GRIK4: variants seen among roughly 807,000 people sequenced by gnomAD.
GRIK4 encodes glutamate ionotropic receptor kainate type subunit 4, also known as glutamate receptor ionotropic, kainate 4.
GRIK4 carries 40 observed loss-of-function variants against 104.9 expected under a neutral mutation model. The observed-to-expected ratio is 0.38, with a 90% CI of 0.30 to 0.50. The LOEUF (loss-of-function observed/expected upper bound fraction) is 0.50. Ranked by LOEUF, GRIK4 falls within the 20% of genes least tolerant of loss-of-function variation. GRIK4 has a pLI of 0.93. For synonymous variants in GRIK4, 485 were observed against 524.9 expected (o/e 0.92, Z 1.04); for missense variants, 1,047 against 1,308.1 (o/e 0.80, Z 3.08).
intron 11 of GRIK4, among the ~76,000 whole-genome samples, chr11:120,881,506 T>C (rs1473492895): frequency 1.3e-5 from 2 of 152,190 alleles, no homozygotes; most frequent in Non-Finnish European, 2.9e-5. Flanking sequence ...CCAAAGCTTA[T>C]ATCAACCCAG....
At chr11:120,678,195 T>C (rs538852884) in intron 3 of GRIK4, among the ~76,000 whole-genome samples, 1 of 152,292 alleles carries the variant, frequency 6.6e-6, no homozygotes, top group African/African-American at 2.4e-5. Context: ...ACAACCTCCG[T>C]TTCTTTAGGG....
intron 1 of GRIK4, among the ~76,000 whole-genome samples, chr11:120,529,325 A>G (rs1802105758): frequency 6.6e-6 from 1 of 152,174 alleles, no homozygotes; most frequent in African/African-American, 2.4e-5. Context: ...TATTTGTTGA[A>G]AGAAGCAAAG....
chr11:120,904,006 C>T (rs2134503220), intron 12 of GRIK4, among the ~76,000 whole-genome samples: 1 of 152,314 alleles, frequency 6.6e-6, no homozygotes, highest in Non-Finnish European at 1.5e-5. Flanking sequence ...TGATTTTCAG[C>T]CTTCCTGGCT....
intron 1 of GRIK4, among the ~76,000 whole-genome samples, chr11:120,634,728 G>C (rs1267785603): frequency 6.6e-6 from 1 of 152,156 alleles, no homozygotes; most frequent in African/African-American, 2.4e-5. Flanking sequence ...TCCGGAGACA[G>C]TGGGAGGTTC....
chr11:120,915,760 C>T (rs150533673), intron 13 of GRIK4, among the ~76,000 whole-genome samples: 2 of 152,246 alleles, frequency 1.3e-5, no homozygotes, highest in Non-Finnish European at 2.9e-5. Flanking sequence ...TGCTATAACT[C>T]CTGACAAGGC....
At chr11:120,552,388 T>C (rs758658348) in intron 1 of GRIK4, among the ~76,000 whole-genome samples, 12 of 151,976 alleles carry the variant, frequency 7.9e-5, no homozygotes, top group Admixed American at 7.2e-4. Context: ...GGAAAAACAA[T>C]TTGAGGGCTT....
At chr11:120,806,566 A>G (rs1952716614) in intron 4 of GRIK4, among the ~76,000 whole-genome samples, 1 of 152,188 alleles carries the variant, frequency 6.6e-6, no homozygotes, top group Non-Finnish European at 1.5e-5. Context: ...GGGGGATGAA[A>G]GAGACCCTAG....
chr11:120,785,722 T>C (rs1952254780), intron 3 of GRIK4, among the ~76,000 whole-genome samples: 1 of 152,150 alleles, frequency 6.6e-6, no homozygotes, highest in African/African-American at 2.4e-5. Flanking sequence ...ACTTGGGGTG[T>C]TTCCGGTTTA....
intron 13 of GRIK4, among the ~76,000 whole-genome samples, chr11:120,935,222 G>C (rs1470176485): frequency 6.6e-6 from 1 of 152,154 alleles, no homozygotes; most frequent in African/African-American, 2.4e-5. Context: ...CCAGACGGTG[G>C]AATAATTTGC....
chr11:120,777,708 G>A (rs903830580), intron 3 of GRIK4, among the ~76,000 whole-genome samples: 4 of 152,186 alleles, frequency 2.6e-5, no homozygotes, highest in African/African-American at 9.6e-5. Flanking sequence ...AGGCCAAGGC[G>A]GGTGGATCAC....
intron 1 of GRIK4, among the ~76,000 whole-genome samples, chr11:120,529,208 A>G (rs1172687083): frequency 6.6e-6 from 1 of 152,048 alleles, no homozygotes; most frequent in Admixed American, 6.5e-5. Flanking sequence ...GTAACCTACA[A>G]CTTACATTGT....
intron 3 of GRIK4, among the ~76,000 whole-genome samples, chr11:120,773,333 T>A (rs1004140655): frequency 3.3e-5 from 5 of 152,238 alleles, no homozygotes; most frequent in African/African-American, 9.6e-5. Context: ...AGATGTCTAT[T>A]TCCGACAGTG....
intron 9 of GRIK4, chr11:120,871,624 G>C (rs958824504): frequency 2.2e-6 from 1 of 456,326 alleles, no homozygotes; most frequent in African/African-American, 2.0e-5. Context: ...CAGGAAGGGA[G>C]TTGGAGCAGG....
chr11:120,515,304 G>T (rs1345489937), intron 1 of GRIK4, among the ~76,000 whole-genome samples: 1 of 152,170 alleles, frequency 6.6e-6, no homozygotes, highest in Non-Finnish European at 1.5e-5. Context: ...CTCCCTGCAT[G>T]ACCTCGGACA....
chr11:120,826,489 T>C (rs1441551819), intron 6 of GRIK4, among the ~76,000 whole-genome samples: 1 of 152,168 alleles, frequency 6.6e-6, no homozygotes, highest in African/African-American at 2.4e-5. Context: ...TGAAATCAGT[T>C]GTGTATGTGA....
chr11:120,871,228 T>C (rs4936562), intron 9 of GRIK4: 67,658 of 169,656 alleles, frequency 0.4, 13,664 homozygotes, highest in East Asian at 0.45. Context: ...GCTAACTTGC[T>C]GTCAATTTGT....
At chr11:120,735,555 T>C (rs930803503) in intron 3 of GRIK4, among the ~76,000 whole-genome samples, 1 of 151,842 alleles carries the variant, frequency 6.6e-6, no homozygotes, top group African/African-American at 2.4e-5. Context: ...ACCACCTATG[T>C]TTGATCAAGG....
At chr11:120,982,962 TC>T (rs1314568105) in intron 20 of GRIK4, among the ~76,000 whole-genome samples, 1 of 152,116 alleles carries the variant, frequency 6.6e-6, no homozygotes, top group East Asian at 1.9e-4. Flanking sequence ...TTGTAGGACT[TC>T]CACGCCGTTG....
intron 16 of GRIK4, among the ~76,000 whole-genome samples, chr11:120,957,750 T>A (rs1271286719): frequency 6.6e-6 from 1 of 152,068 alleles, no homozygotes; most frequent in Non-Finnish European, 1.5e-5. Flanking sequence ...TCTCAGCCTG[T>A]TTAGCCAAAG....
Sources: allele counts gnomAD v4.1 joint callset (sites outside exome capture counted in the v4.1 genomes callset), GRCh38; gene constraint gnomAD v4.1.1; transcripts MANE v1.5; gene names NCBI Gene and HGNC (gene_info 2026-07-23, HGNC 2026-07-21).